The following NOL4L variants were observed in gnomAD, a reference collection of about 807,000 sequenced individuals.
NOL4L encodes the protein nucleolar protein 4-like.
NOL4L carries 7 observed loss-of-function variants against 64.5 expected under a neutral mutation model. The ratio of observed to expected loss-of-function variants is 0.11; its 90% CI spans 0.06 to 0.20. The LOEUF (loss-of-function observed/expected upper bound fraction) is 0.20. Ranked by LOEUF, NOL4L falls within the 10% of genes least tolerant of loss-of-function variation. The probability of loss-of-function intolerance (pLI) is 1.00; values close to 1 mark genes in which losing one functional copy is unlikely to be tolerated. For synonymous variants in NOL4L, 413 were observed against 401.0 expected (o/e 1.03, Z -0.36); for missense variants, 680 against 967.1 (o/e 0.70, Z 3.94).
At chr20:32,539,524 C>T (rs140812546) in intron 1 of NOL4L, among the ~76,000 whole-genome samples, 24 of 152,316 alleles carry the variant, frequency 1.6e-4, no homozygotes, top group Middle Eastern at 3.4e-3. Flanking sequence ...ACATGGTGGG[C>T]ACACACAGGC....
intron 1 of NOL4L, among the ~76,000 whole-genome samples, chr20:32,566,324 T>C (rs1013032103): frequency 5.3e-5 from 8 of 152,106 alleles, no homozygotes; most frequent in Non-Finnish European, 1.0e-4. Context: ...TGGATGATAG[T>C]AGCCTCTTTT....
At chr20:32,544,885 G>A (rs1209894316) in intron 1 of NOL4L, among the ~76,000 whole-genome samples, 1 of 152,140 alleles carries the variant, frequency 6.6e-6, no homozygotes, top group Non-Finnish European at 1.5e-5. Flanking sequence ...ACTATGACAC[G>A]AAAAGGTGAG....
chr20:32,567,586 G>C (rs1454380015), intron 1 of NOL4L, among the ~76,000 whole-genome samples: 1 of 152,216 alleles, frequency 6.6e-6, no homozygotes, highest in Non-Finnish European at 1.5e-5. Context: ...GAAACTGCCT[G>C]CTGGAAGTGG....
intron 1 of NOL4L, chr20:32,537,149 G>C (rs2018559919): frequency 1.0e-6 from 1 of 980,902 alleles, no homozygotes; most frequent in Non-Finnish European, 1.2e-6. Flanking sequence ...CCCGCTATGT[G>C]CCAGGCGCCG....
Position 32,451,936 on chromosome 20 carries a change from A to G in NOL4L, c.1822+300T>C, listed in dbSNP as rs371890428. ...ACAGGGACCCTGGGGGAGTGGAACCAGTGAGAGGCGCCGGTAGTGAAGGTG... is the reference window on the plus strand; with the variant it reads ...ACAGGGACCCTGGGGGAGTGGAACCGGTGAGAGGCGCCGGTAGTGAAGGTG... On this transcript the variant is annotated intron_variant, in intron 10 of 10. Coordinates refer to ENST00000621426, the MANE Select transcript of NOL4L (RefSeq NM_001256798.2). Among the ~76,000 whole-genome samples the G allele has an allele frequency of 2.6e-5, 4 of 152,292 alleles. No individual in the cohort carries two copies. In the South Asian group the frequency reaches 6.2e-4, roughly 24 times the overall value.
intron 4 of NOL4L, among the ~76,000 whole-genome samples, chr20:32,508,059 C>T (rs917659759): frequency 2.0e-5 from 3 of 152,106 alleles, no homozygotes; most frequent in African/African-American, 4.8e-5. Context: ...TCCTGGTTAC[C>T]GGTTACTTTA....
intron 1 of NOL4L, among the ~76,000 whole-genome samples, chr20:32,565,228 G>A: frequency 7.1e-6 from 1 of 141,678 alleles, no homozygotes; most frequent in South Asian, 2.6e-4. Flanking sequence ...GCCAGACACC[G>A]GATGGACACA....
At chr20:32,553,141 C>T (rs562225092) in intron 1 of NOL4L, among the ~76,000 whole-genome samples, 2 of 152,250 alleles carry the variant, frequency 1.3e-5, no homozygotes, top group East Asian at 3.9e-4. Flanking sequence ...TGTGGCGCGC[C>T]CTTCAAAACA....
intron 1 of NOL4L, among the ~76,000 whole-genome samples, chr20:32,562,721 C>T (rs565500886): frequency 6.6e-6 from 1 of 151,936 alleles, no homozygotes; most frequent in Admixed American, 6.5e-5. Flanking sequence ...CCCTTGACCT[C>T]CACAGCTTCC....
At chr20:32,480,119 G>A (rs1170281258) in intron 4 of NOL4L, among the ~76,000 whole-genome samples, 1 of 152,204 alleles carries the variant, frequency 6.6e-6, no homozygotes, top group African/African-American at 2.4e-5. Flanking sequence ...TACAACTGGG[G>A]TCAATTTCTC....
chr20:32,521,396 C>T (rs756127674), intron 2 of NOL4L, among the ~76,000 whole-genome samples: 15 of 152,176 alleles, frequency 9.9e-5, no homozygotes, highest in Non-Finnish European at 1.8e-4. Flanking sequence ...GGTCAAGAAC[C>T]TTCTTAGGAA....
intron 5 of NOL4L, among the ~76,000 whole-genome samples, chr20:32,458,325 T>C (rs1341237428): frequency 1.3e-5 from 2 of 152,194 alleles, no homozygotes; most frequent in Non-Finnish European, 2.9e-5. Flanking sequence ...CAGCCAGCCT[T>C]CAAGGTCTGG....
At chr20:32,564,373 G>A (rs971530761) in intron 1 of NOL4L, among the ~76,000 whole-genome samples, 26 of 152,312 alleles carry the variant, frequency 1.7e-4, no homozygotes, top group African/African-American at 5.8e-4. Context: ...GGTTGATACC[G>A]CTCTCAGCCC....
At chr20:32,474,332 C>T (rs1042348099) in intron 5 of NOL4L, among the ~76,000 whole-genome samples, 5 of 152,370 alleles carry the variant, frequency 3.3e-5, no homozygotes, top group African/African-American at 4.8e-5. Context: ...CATGGCATCC[C>T]GGCAACCAGG....
At chr20:32,501,370 C>G (rs1194713082) in intron 4 of NOL4L, among the ~76,000 whole-genome samples, 1 of 152,076 alleles carries the variant, frequency 6.6e-6, no homozygotes, top group Non-Finnish European at 1.5e-5. Context: ...ACTGTCAAAG[C>G]CCAAAGAAGA....
chr20:32,460,985 C>T lies in NOL4L; in HGVS notation c.842-4590G>A, dbSNP rs539365178. On this transcript the variant is annotated intron_variant, in intron 5 of 10. Transcript: ENST00000621426. The surrounding 1 kb of genome is among the most constrained non-coding windows in gnomAD (Gnocchi z 5.7). ...TCAGGGAAGCCCTCCCTACCTGCCC[C>T]GATCTCCATCGTGGCACCGGCTGTG... 2.0e-5 allele frequency among the ~76,000 whole-genome samples: 3 copies of T among 152,344 alleles called. No individual in the cohort carries two copies. Among genetic ancestry groups the T allele is most frequent in the South Asian group, 4.1e-4 (2 of 4,832 alleles).
intron 4 of NOL4L, chr20:32,509,763 A>G: frequency 7.7e-7 from 1 of 1,291,566 alleles, no homozygotes; most frequent in Non-Finnish European, 1.0e-6. Flanking sequence ...AACTTGCACG[A>G]CACTGACCAC....
chr20:32,481,972 G>GC (rs2015750705), intron 4 of NOL4L, among the ~76,000 whole-genome samples: 1 of 149,022 alleles, frequency 6.7e-6, no homozygotes, highest in South Asian at 2.2e-4. Context: ...GGCGGGGGGG[G>GC]GGGAGCAGGC....
At chr20:32,505,807 T>G (rs1351038524) in intron 4 of NOL4L, among the ~76,000 whole-genome samples, 1 of 152,152 alleles carries the variant, frequency 6.6e-6, no homozygotes, top group Non-Finnish European at 1.5e-5. Flanking sequence ...AAAGGACATC[T>G]GATTCCACTG....
Sources: gnomAD v4.1 joint callset for allele counts (sites outside exome capture counted in the v4.1 genomes callset) on GRCh38, gnomAD v4.1.1 for gene constraint, Gnocchi (gnomAD v3.1) non-coding constraint, MANE v1.5 for transcripts, NCBI Gene and HGNC (gene_info 2026-07-23, HGNC 2026-07-21) for gene names.